The following ZNF486 variants were observed in gnomAD, a reference collection of about 807,000 sequenced individuals.
ZNF486 encodes the protein zinc finger protein 486.
In ZNF486, 12 loss-of-function variants were observed where a neutral mutation model predicts 12.8. That is an observed-to-expected ratio of 0.94 (90% CI 0.60 to 1.52). ZNF486 has a LOEUF of 1.52. Among genes scored for constraint, ZNF486 ranks in the 40% most tolerant of loss-of-function variants. The pLI, the probability that ZNF486 is intolerant of heterozygous loss-of-function variation, is 0.00. For missense variants in ZNF486, 738 were observed against 545.0 expected (o/e 1.35, Z -3.53); for synonymous variants, 231 against 184.9 (o/e 1.25, Z -2.02).
intron 1 of ZNF486, among the ~76,000 whole-genome samples, chr19:20,182,456 T>TA (rs1288068072): frequency 6.6e-6 from 1 of 152,184 alleles, no homozygotes; most frequent in African/African-American, 2.4e-5. Flanking sequence ...TGGAAGCACT[T>TA]ATGTTGTTTT....
At chr19:20,187,334 A>G (rs1486125809) in intron 3 of ZNF486, among the ~76,000 whole-genome samples, 2 of 152,054 alleles carry the variant, frequency 1.3e-5, no homozygotes, top group African/African-American at 2.4e-5. Context: ...ATCTACAAAC[A>G]GCGACTTTTT....
chr19:20,167,384 T>G (rs782503997), intron 1 of ZNF486, 24 bp downstream of exon 1: 1 of 1,611,612 alleles, frequency 6.2e-7, no homozygotes, highest in East Asian at 2.2e-5. Flanking sequence ...TTGGACATCC[T>G]GAGAGAGGGG....
At chr19:20,169,352 A>C (rs1199331908) in intron 1 of ZNF486, among the ~76,000 whole-genome samples, 1 of 151,752 alleles carries the variant, frequency 6.6e-6, no homozygotes, top group Non-Finnish European at 1.5e-5. Context: ...CAGGTGATCC[A>C]TCCGCCTTGG....
chr19:20,194,862 T>C (rs974161559), intron 3 of ZNF486, among the ~76,000 whole-genome samples: 2 of 152,192 alleles, frequency 1.3e-5, no homozygotes, highest in African/African-American at 4.8e-5. Flanking sequence ...TTGTTATAAA[T>C]ATATTTGTGT....
Position 20,197,996 on chromosome 19 carries a change from C to T in ZNF486, c.1286C>T (p.Thr429Ile), listed in dbSNP as rs200636434. Reference sequence around the variant, plus strand: ...CTAACTGAACATAAGACAACTCATACTGGAGAGAAACCTTACAAATGTAAA... The same window carrying T: ...CTAACTGAACATAAGACAACTCATATTGGAGAGAAACCTTACAAATGTAAA... ...SNLTEHKTTH[T>I]GEKPYKCKEC... Residue 429 changes from threonine (T) to isoleucine (I), a missense_variant, in exon 4 of 4, where the codon ACT (threonine) becomes ATT (isoleucine). Transcript: ENST00000335117. The T allele has an allele frequency of 2.9e-5, 46 of 1,613,726 alleles. No homozygotes were observed. In the Admixed American group the frequency reaches 7.7e-4, roughly 27 times the overall value.
chr19:20,198,843 G>A lies in ZNF486; in HGVS notation c.*741G>A, dbSNP rs868933576. 2.6e-5 allele frequency: 4 copies of A among 152,408 alleles called. No individual in the cohort carries two copies. The highest frequency in any genetic ancestry group is 1.9e-4 in the East Asian group (1 of 5,172). The allele number at this position is 152,408 out of a possible 1,614,324, so 9.4% of individuals were successfully genotyped here. ...AGCCATAAGCTCTTAATTCTTAAGA[G>A]ACATGGCGATAATTCATGGTGAAGA... On this transcript the variant is annotated 3_prime_UTR_variant, in exon 4 of 4. Transcript: ENST00000335117.
At chr19:20,169,450 G>T (rs1555713535) in intron 1 of ZNF486, among the ~76,000 whole-genome samples, 2 of 152,084 alleles carry the variant, frequency 1.3e-5, no homozygotes, top group African/African-American at 4.8e-5. Flanking sequence ...TTTCTGGGGA[G>T]CCTCGCCTGC....
In ZNF486 at chr19:20,177,545, G is replaced by C. The variant is rs185445056; in HGVS notation, c.31-6811G>C. Among the ~76,000 whole-genome samples the C allele has an allele frequency of 3.6e-4, 55 of 152,170 alleles. 2 individuals are homozygous for C. The South Asian group carries it at 9.5e-3, about 26-fold the overall frequency. On this transcript the variant is annotated intron_variant, in intron 1 of 3. Transcript: ENST00000335117. ...GCAGTCTCTTAAGCAGATGGACTATGATGCATGTCACATTCAAGTTTAATT... is the reference window on the plus strand; with the variant it reads ...GCAGTCTCTTAAGCAGATGGACTATCATGCATGTCACATTCAAGTTTAATT...
chr19:20,170,178 T>C (rs1031070831), intron 1 of ZNF486, among the ~76,000 whole-genome samples: 2 of 151,860 alleles, frequency 1.3e-5, no homozygotes, highest in African/African-American at 4.8e-5. Context: ...ATTACAGGCG[T>C]GAGCCACCGC....
At chr19:20,174,921 G>A (rs1221685052) in intron 1 of ZNF486, 2 of 152,072 alleles carry the variant, frequency 1.3e-5, no homozygotes, top group Non-Finnish European at 2.9e-5. Flanking sequence ...ATGTGATGTG[G>A]CCACCCAAAA....
intron 1 of ZNF486, among the ~76,000 whole-genome samples, chr19:20,168,460 GC>G (rs1246174007): frequency 6.6e-6 from 1 of 152,066 alleles, no homozygotes; most frequent in African/African-American, 2.4e-5. Context: ...TTCGAGACCG[GC>G]CTGACTAACA....
intron 3 of ZNF486, among the ~76,000 whole-genome samples, chr19:20,194,194 T>A (rs918984117): frequency 6.6e-6 from 1 of 152,352 alleles, no homozygotes; most frequent in East Asian, 1.9e-4. Context: ...TCATAGATTA[T>A]CTGTTGTTTT....
rs781894422 is a variant in ZNF486, at chr19:20,197,303, C to T, written c.593C>T (p.Thr198Ile). 276 of 1,612,060 alleles carry T rather than the reference C, an allele frequency of 1.7e-4. 1 individual carries two copies. The Admixed American group carries it at 4.5e-3, about 27-fold the overall frequency. ...GCTTTTAACCAGTCCTCAACCCATA[C>T]TACACATAAAAAAATTGATACTGGA... ...DKAFNQSSTH[T>I]THKKIDTGEK... The change falls in exon 4 of 4, where the codon ACT (threonine) becomes ATT (isoleucine). Residue 198 changes from threonine to isoleucine, a missense_variant. Thr to Ile is a moderately conservative substitution (Grantham distance 89). Coordinates refer to ENST00000335117, the MANE Select transcript of ZNF486 (RefSeq NM_052852.4).
intron 1 of ZNF486, among the ~76,000 whole-genome samples, chr19:20,170,505 TGCAGTGA>T (rs2089637509): frequency 6.6e-6 from 1 of 151,800 alleles, no homozygotes; most frequent in East Asian, 2.0e-4. Flanking sequence ...AGGTGAAGGT[TGCAGTGA>T]GCAGTGAGTC....
Position 20,198,261 on chromosome 19 carries a change from A to G in ZNF486, c.*159A>G, listed in dbSNP as rs2089981535. The G allele has an allele frequency of 1.4e-5, 9 of 632,648 alleles. No individual in the cohort carries two copies. Among genetic ancestry groups the G allele is most frequent in the Non-Finnish European group, 2.5e-5 (9 of 366,302 alleles). The allele number at this position is 632,648 out of a possible 1,614,324, so 39.2% of individuals were successfully genotyped here. On this transcript the variant is annotated 3_prime_UTR_variant, in exon 4 of 4. Transcript: ENST00000335117. Reference sequence around the variant, plus strand: ...TAGGATTACAGGGCTGCACCACCACACCTGGCTAATTTTGTATTTTTAGTA... The same window carrying G: ...TAGGATTACAGGGCTGCACCACCACGCCTGGCTAATTTTGTATTTTTAGTA...
chr19:20,187,123 T>G (rs782816014), intron 3 of ZNF486, among the ~76,000 whole-genome samples: 1 of 151,972 alleles, frequency 6.6e-6, no homozygotes, highest in Non-Finnish European at 1.5e-5. Context: ...CCTCCTTGGT[T>G]TTTTTCTAAG....
intron 3 of ZNF486, among the ~76,000 whole-genome samples, chr19:20,194,378 T>G (rs1219804034): frequency 6.6e-6 from 1 of 152,182 alleles, no homozygotes; most frequent in Non-Finnish European, 1.5e-5. Context: ...TTAAAAAAAT[T>G]ATTATAACTT....
At chr19:20,192,754 A>ACTC (rs1568326134) in intron 3 of ZNF486, among the ~76,000 whole-genome samples, 1 of 152,040 alleles carries the variant, frequency 6.6e-6, no homozygotes, top group Non-Finnish European at 1.5e-5. Context: ...ATAGCCATCT[A>ACTC]TGTTTTTTGT....
intron 3 of ZNF486, among the ~76,000 whole-genome samples, chr19:20,191,552 G>A (rs1267637190): frequency 4.0e-5 from 6 of 151,574 alleles, no homozygotes; most frequent in East Asian, 1.9e-4. Flanking sequence ...GGTGGATCAC[G>A]AGGTCAGGAG....
Sources: allele counts gnomAD v4.1 joint callset (sites outside exome capture counted in the v4.1 genomes callset), GRCh38; gene constraint gnomAD v4.1.1; transcripts MANE v1.5; gene names NCBI Gene and HGNC (gene_info 2026-07-23, HGNC 2026-07-21).